UBE3C: variants seen among roughly 807,000 people sequenced by gnomAD.
The protein encoded by UBE3C is ubiquitin-protein ligase E3C.
In UBE3C, 42 loss-of-function variants were observed where a neutral mutation model predicts 129.4. That is an observed-to-expected ratio of 0.32 (90% CI 0.25 to 0.42). The LOEUF is 0.42. Among genes scored for constraint, UBE3C ranks in the 10% least tolerant of loss-of-function variants. The pLI is 1.00. For missense variants in UBE3C, 1,049 were observed against 1,319.1 expected (o/e 0.80, Z 3.17); for synonymous variants, 510 against 492.4 (o/e 1.04, Z -0.47).
chr7:157,222,778 T>C (rs1249652345), intron 15 of UBE3C: 1 of 153,920 alleles, frequency 6.5e-6, no homozygotes, highest in Non-Finnish European at 1.4e-5. Context: ...TATGTGTTTA[T>C]TCATGAAATA....
At chr7:157,162,624 T>C (rs1283450723) in intron 1 of UBE3C, among the ~76,000 whole-genome samples, 2 of 151,890 alleles carry the variant, frequency 1.3e-5, no homozygotes, top group Non-Finnish European at 1.5e-5. Flanking sequence ...ACTGCAGCCT[T>C]GACCTCCTGG....
chr7:157,146,014 G>C (rs1173592684), intron 1 of UBE3C, among the ~76,000 whole-genome samples: 1 of 151,884 alleles, frequency 6.6e-6, no homozygotes, highest in Admixed American at 6.6e-5. Flanking sequence ...AGATTTTCTC[G>C]TATTTTCTAG....
chr7:157,165,060 C>T (rs1002341563), intron 2 of UBE3C, among the ~76,000 whole-genome samples: 2 of 152,156 alleles, frequency 1.3e-5, no homozygotes, highest in Non-Finnish European at 2.9e-5. Context: ...AGTAGCACTC[C>T]GTTACCTCAG....
At chr7:157,189,454 A>T (rs1808894261) in intron 10 of UBE3C, among the ~76,000 whole-genome samples, 1 of 152,228 alleles carries the variant, frequency 6.6e-6, no homozygotes, top group African/African-American at 2.4e-5. Flanking sequence ...AGACAACTAA[A>T]ATAAGAAAGT....
intron 1 of UBE3C, among the ~76,000 whole-genome samples, chr7:157,159,038 A>G (rs1430040623): frequency 2.0e-5 from 3 of 152,214 alleles, no homozygotes; most frequent in Non-Finnish European, 4.4e-5. Flanking sequence ...CACTCCTGTG[A>G]AAGGCGGAGA....
chr7:157,253,142 T>C (rs1243782613), intron 19 of UBE3C, among the ~76,000 whole-genome samples: 2 of 152,272 alleles, frequency 1.3e-5, no homozygotes, highest in Non-Finnish European at 2.9e-5. Flanking sequence ...TGTACTGTTT[T>C]GTATTTATGA....
intron 9 of UBE3C, among the ~76,000 whole-genome samples, chr7:157,184,541 G>T (rs1185200990): frequency 6.6e-6 from 1 of 152,076 alleles, no homozygotes; most frequent in East Asian, 1.9e-4. Flanking sequence ...CATAATTTGT[G>T]TTTTACTTAA....
At chr7:157,229,924 AT>A (rs34371551) in intron 17 of UBE3C, among the ~76,000 whole-genome samples, 19 of 88,446 alleles carry the variant, frequency 2.1e-4, no homozygotes, top group Non-Finnish European at 3.1e-4. Context: ...TAATTTATTT[AT>A]TTTTTTTTTT....
chr7:157,268,557 G>A lies in UBE3C; in HGVS notation c.*802G>A, dbSNP rs1302979410. On this transcript the variant is annotated 3_prime_UTR_variant, in exon 23 of 23. Coordinates refer to ENST00000348165, the MANE Select transcript of UBE3C (RefSeq NM_014671.3). Reference sequence around the variant, plus strand: ...TTACTTGGGGGAGGACAGACACTGTGGTGTCATTAAAGTTGTTTGAACCAA... The same window carrying A: ...TTACTTGGGGGAGGACAGACACTGTAGTGTCATTAAAGTTGTTTGAACCAA... 1 of 152,646 alleles carries A rather than the reference G, an allele frequency of 6.6e-6. No individual in the cohort carries two copies. The highest frequency in any genetic ancestry group is 1.5e-5 in the Non-Finnish European group (1 of 68,064). 9.5% of individuals were successfully genotyped at this position (152,646 alleles called of 1,614,324 possible).
At chr7:157,187,094 C>G (rs1386821530) in intron 10 of UBE3C, 73 bp downstream of exon 10, 12 of 1,473,832 alleles carry the variant, frequency 8.1e-6, no homozygotes, top group Non-Finnish European at 1.1e-5. Flanking sequence ...GAATTGCTCT[C>G]CTCTTAAGTT....
chr7:157,192,073 A>G (rs1218131933), intron 10 of UBE3C, among the ~76,000 whole-genome samples: 1 of 152,208 alleles, frequency 6.6e-6, no homozygotes, highest in South Asian at 2.1e-4. Context: ...TCCTATCTAG[A>G]TTATAAACTA....
intron 16 of UBE3C, among the ~76,000 whole-genome samples, chr7:157,224,220 G>A (rs955974041): frequency 6.6e-6 from 1 of 151,890 alleles, no homozygotes; most frequent in South Asian, 2.1e-4. Flanking sequence ...TTTTGAGATG[G>A]AGTGTCCTCT....
chr7:157,185,686 G>A (rs1334210585), intron 9 of UBE3C, among the ~76,000 whole-genome samples: 1 of 152,012 alleles, frequency 6.6e-6, no homozygotes, highest in African/African-American at 2.4e-5. Flanking sequence ...AAGCTCTTTT[G>A]CCTTTAGGTT....
chr7:157,152,632 T>C (rs745428984), intron 1 of UBE3C, among the ~76,000 whole-genome samples: 1 of 152,212 alleles, frequency 6.6e-6, no homozygotes, highest in Non-Finnish European at 1.5e-5. Flanking sequence ...TAGTGTCCTG[T>C]GGAGGAAGAA....
intron 18 of UBE3C, among the ~76,000 whole-genome samples, chr7:157,240,519 C>T (rs1796285207): frequency 1.3e-5 from 2 of 152,216 alleles, no homozygotes; most frequent in African/African-American, 4.8e-5. Flanking sequence ...GTTACTTTTT[C>T]TACACCCGTA....
At chr7:157,244,017 G>A (rs1039403702) in intron 18 of UBE3C, among the ~76,000 whole-genome samples, 1 of 152,128 alleles carries the variant, frequency 6.6e-6, no homozygotes, top group East Asian at 1.9e-4. Flanking sequence ...GATCACCTGA[G>A]GTCAGGAGTT....
intron 5 of UBE3C, 81 bp from the exon 6 acceptor site, chr7:157,178,609 A>G: frequency 1.4e-6 from 2 of 1,443,618 alleles, no homozygotes; most frequent in Non-Finnish European, 9.5e-7. Flanking sequence ...TTTCTTAACC[A>G]TTGTCACTGA....
At chr7:157,261,755 A>G (rs1796920326) in intron 22 of UBE3C, among the ~76,000 whole-genome samples, 2 of 152,236 alleles carry the variant, frequency 1.3e-5, no homozygotes, top group Admixed American at 1.3e-4. Context: ...AGCTAATTAA[A>G]GTTTAATATG....
At chr7:157,230,999 T>A in intron 17 of UBE3C, 81 bp from the exon 18 acceptor site, 2 of 1,553,916 alleles carry the variant, frequency 1.3e-6, no homozygotes, top group Non-Finnish European at 1.7e-6. Context: ...ACCCCTTCCT[T>A]AAGCCTTCCT....
Sources: allele counts gnomAD v4.1 joint callset (sites outside exome capture counted in the v4.1 genomes callset), GRCh38; gene constraint gnomAD v4.1.1; transcripts MANE v1.5; gene names NCBI Gene and HGNC (gene_info 2026-07-23, HGNC 2026-07-21).